NBPF8: variants seen among roughly 807,000 people sequenced by gnomAD.
NBPF8 encodes the protein NBPF family member NBPF8.
intron 19 of NBPF8, among the ~76,000 whole-genome samples, chr1:120,461,688 G>A (rs1400948327): frequency 8.7e-5 from 5 of 57,290 alleles, no homozygotes; most frequent in East Asian, 4.9e-4. Context: ...CTGGGCAGAT[G>A]TGACAAATTC....
chr1:120,449,191 AGTCCCTG>A, intron 10 of NBPF8: 1 of 1,267,294 alleles, frequency 7.9e-7, no homozygotes, highest in East Asian at 2.3e-5. Flanking sequence ...TCTTCTCCCC[AGTCCCTG>A]GCCCCACCTC....
At chr1:120,454,431 C>G (rs1300822820) in intron 15 of NBPF8, among the ~76,000 whole-genome samples, 3 of 151,850 alleles carry the variant, frequency 2.0e-5, no homozygotes, top group African/African-American at 7.3e-5. Context: ...TCATCTGTCC[C>G]TGAACAATGT....
chr1:120,426,892 T>C (rs1660742853), intron 2 of NBPF8, among the ~76,000 whole-genome samples: 1 of 147,790 alleles, frequency 6.8e-6, no homozygotes, highest in South Asian at 2.1e-4. Context: ...CCCAAAATAG[T>C]TTGGAAATGG....
At chr1:120,435,735 G>A (rs1368099523), upstream of NBPF8, among the ~76,000 whole-genome samples, 6 of 151,556 alleles carry the variant, frequency 4.0e-5, no homozygotes, top group South Asian at 4.2e-4. Context: ...GCGTGGTGGC[G>A]GGCGCCTGTA....
At chr1:120,450,700 A>C (rs1176524463) in intron 11 of NBPF8, among the ~76,000 whole-genome samples, 3 of 152,200 alleles carry the variant, frequency 2.0e-5, no homozygotes, top group African/African-American at 7.2e-5. Context: ...TCATAACTGA[A>C]GATATGATTT....
intron 20 of NBPF8, among the ~76,000 whole-genome samples, chr1:120,462,406 A>G (rs1402278816): frequency 2.0e-5 from 3 of 147,682 alleles, no homozygotes; most frequent in Non-Finnish European, 3.0e-5. Context: ...GGTTGACCAT[A>G]CCTCAAAGGC....
chr1:120,433,879 G>C (rs1393953243), upstream of NBPF8: 1 of 168,356 alleles, frequency 5.9e-6, no homozygotes, highest in African/African-American at 2.4e-5. Context: ...TGGCCCCCCA[G>C]TGTCAGCCCA....
chr1:120,452,475 G>A lies in NBPF8; in HGVS notation n.2289+144G>A. On this transcript the variant is annotated intron_variant and non_coding_transcript_variant, in intron 13 of 24. Transcript: ENST00000583271. ...CCATGACATGACCAGGACTTCTTGGGTAAGAACGGAGATGGGAAACCCATG... is the reference window on the plus strand; with the variant it reads ...CCATGACATGACCAGGACTTCTTGGATAAGAACGGAGATGGGAAACCCATG... 6.3e-6 allele frequency: 4 copies of A among 632,660 alleles called. No homozygotes were observed. In the South Asian group the frequency reaches 7.6e-5, roughly 12 times the overall value. The allele number at this position is 632,660 out of a possible 1,614,324, so 39.2% of individuals were successfully genotyped here. A position where few individuals can be genotyped will look rare whatever the true frequency, so the allele number is the denominator to read the frequency against.
At chr1:120,418,576 T>C (rs1660488197), upstream of NBPF8, among the ~76,000 whole-genome samples, 1 of 150,912 alleles carries the variant, frequency 6.6e-6, no homozygotes, top group Non-Finnish European at 1.5e-5. Context: ...CTTGAGACAG[T>C]GTCTCGCTCT....
chr1:120,450,782 C>T (rs1317990332), intron 11 of NBPF8, among the ~76,000 whole-genome samples: 1 of 152,116 alleles, frequency 6.6e-6, no homozygotes, highest in African/African-American at 2.4e-5. Flanking sequence ...AACCATCAGT[C>T]CCATAGTCCT....
At chr1:120,467,703 A>AATT (rs1245676463) in exon 25 of NBPF8, 5 of 151,642 alleles carry the variant, frequency 3.3e-5, no homozygotes, top group Non-Finnish European at 2.9e-5. Flanking sequence ...GTCCAAAGTT[A>AATT]ATTTTAATCT....
chr1:120,422,195 G>C (rs1426155013), intron 1 of NBPF8, among the ~76,000 whole-genome samples: 1 of 152,100 alleles, frequency 6.6e-6, no homozygotes, highest in East Asian at 1.9e-4. Context: ...TGTTGTATTA[G>C]TGTGGTCCAT....
In NBPF8 at chr1:120,450,807, CTG is replaced by C; in HGVS notation, n.1972-371_1972-370del. On this transcript the variant is annotated intron_variant and non_coding_transcript_variant, in intron 11 of 24. Transcript: ENST00000583271. ...CCCATAGTCCTAGGGGCCTTCCCGACTGTACAAGAAATCACTACTTCATGCCC... is the reference window on the plus strand; with the variant it reads ...CCCATAGTCCTAGGGGCCTTCCCGACTACAAGAAATCACTACTTCATGCCC... Among the ~76,000 whole-genome samples the C allele has an allele frequency of 2.6e-5, 4 of 152,236 alleles. No homozygotes were observed. In the Middle Eastern group the frequency reaches 0.01, roughly 388 times the overall value.
At chr1:120,436,303 G>C (rs1334487402), upstream of NBPF8, 438 of 1,422,434 alleles carry the variant, frequency 3.1e-4, 3 homozygotes, top group East Asian at 9.3e-3. Flanking sequence ...AGTGCTTTCA[G>C]CTCTGAGTTG....
In NBPF8 at chr1:120,465,428, T is replaced by C. The variant is rs1661715006; in HGVS notation, n.3568+57T>C. 11 of 524,768 alleles carry C rather than the reference T, an allele frequency of 2.1e-5. 1 individual carries two copies. The highest frequency in any genetic ancestry group is 1.3e-4 in the South Asian group (8 of 60,878). The allele number at this position is 524,768 out of a possible 1,614,324, so 32.5% of individuals were successfully genotyped here. On this transcript the variant is annotated intron_variant and non_coding_transcript_variant, in intron 24 of 24. Transcript: ENST00000583271. ...TGTGTTAACACCTGGAGGCAACAGA[T>C]TCAGGGAAACCAGAGTGTGTTTGAT...
At chr1:120,450,385 C>T (rs1298952828) in intron 11 of NBPF8, among the ~76,000 whole-genome samples, 1 of 151,818 alleles carries the variant, frequency 6.6e-6, no homozygotes, top group East Asian at 1.9e-4. Context: ...GTGTACAGAG[C>T]AGGGACCGTG....
chr1:120,464,499 CT>C, exon 23 of NBPF8: 4 of 1,109,294 alleles, frequency 3.6e-6, no homozygotes, highest in Non-Finnish European at 5.5e-6. Context: ...ATGGAAGTTC[CT>C]TTTATGCATT....
chr1:120,466,337 G>T (rs1415983070), exon 25 of NBPF8: 5 of 1,431,956 alleles, frequency 3.5e-6, no homozygotes, highest in Non-Finnish European at 4.8e-6. Flanking sequence ...GGGTCAGTGG[G>T]CATGGCTCTA....
intron 1 of NBPF8, among the ~76,000 whole-genome samples, chr1:120,423,615 C>A (rs1660628617): frequency 8.7e-6 from 1 of 115,256 alleles, no homozygotes; most frequent in African/African-American, 4.0e-5. Flanking sequence ...ATTGTAGTAA[C>A]ACTTGGAAAT....
Sources: gnomAD v4.1 joint callset for allele counts (sites outside exome capture counted in the v4.1 genomes callset) on GRCh38, gnomAD v4.1.1 for gene constraint, MANE v1.5 for transcripts, NCBI Gene and HGNC (gene_info 2026-07-23, HGNC 2026-07-21) for gene names.